The following DCUN1D4 variants were observed in gnomAD, a reference collection of about 807,000 sequenced individuals.
The protein encoded by DCUN1D4 is defective in cullin neddylation 1 domain containing 4, also known as DCN1-like protein 4.
DCUN1D4 carries 22 observed loss-of-function variants against 47.9 expected under a neutral mutation model. The ratio of observed to expected loss-of-function variants is 0.46; its 90% CI spans 0.33 to 0.66. The LOEUF (loss-of-function observed/expected upper bound fraction) is 0.66, where lower values mean the gene tolerates loss of function less well. Ranked by LOEUF, DCUN1D4 falls within the 30% of genes least tolerant of loss-of-function variation. DCUN1D4 has a pLI of 0.02. For synonymous variants in DCUN1D4, 121 were observed against 112.2 expected (o/e 1.08, Z -0.50); for missense variants, 301 against 340.8 (o/e 0.88, Z 0.92).
intron 1 of DCUN1D4, among the ~76,000 whole-genome samples, chr4:51,859,560 G>A (rs1724692444): frequency 7.1e-6 from 1 of 140,750 alleles, no homozygotes; most frequent in South Asian, 2.3e-4. Flanking sequence ...TAGTTTGGGG[G>A]AATGGACTTT....
rs1399574565 is a variant in DCUN1D4, at chr4:51,914,259, C to T, written c.*675C>T. Reference sequence around the variant, plus strand: ...TTTTTTAGTGTTAAAACTATAATAGCTTGAATATAGGTACCAATGAACAAA... The same window carrying T: ...TTTTTTAGTGTTAAAACTATAATAGTTTGAATATAGGTACCAATGAACAAA... On this transcript the variant is annotated 3_prime_UTR_variant, in exon 11 of 11. Transcript: ENST00000334635. 6.6e-6 allele frequency: 1 copy of T among 152,138 alleles called. No homozygotes were observed. The highest frequency in any genetic ancestry group is 1.5e-5 in the Non-Finnish European group (1 of 68,006). The allele number at this position is 152,138 out of a possible 1,614,324, so 9.4% of individuals were successfully genotyped here. A position where few individuals can be genotyped will look rare whatever the true frequency, so the allele number is the denominator to read the frequency against.
In DCUN1D4 at chr4:51,843,442, T is replaced by TG. The variant is rs911223700; in HGVS notation, c.25+179dup. The stretch of plus-strand genomic sequence containing the variant: ...GCGGGCGGTGACGCTGCGGGCGGCG[T>TG]GGGGCGGGGGCGGGCGTGGGGGGAA... On this transcript the variant is annotated intron_variant, in intron 1 of 10. Coordinates refer to ENST00000334635, the MANE Select transcript of DCUN1D4 (RefSeq NM_001040402.3). The TG allele has an allele frequency of 4.0e-6, 4 of 1,010,796 alleles. No individual in the cohort carries two copies. In the African/African-American group the frequency reaches 9.0e-5, roughly 23 times the overall value. 62.6% of individuals were successfully genotyped at this position (1,010,796 alleles called of 1,614,324 possible).
intron 1 of DCUN1D4, among the ~76,000 whole-genome samples, chr4:51,856,591 T>G (rs1428663967): frequency 6.6e-6 from 1 of 152,218 alleles, no homozygotes; most frequent in African/African-American, 2.4e-5. Context: ...TTGGAAATAA[T>G]TTAGAATGGA....
chr4:51,908,971 C>G (rs1189258258), intron 8 of DCUN1D4: 5 of 456,156 alleles, frequency 1.1e-5, no homozygotes, highest in Non-Finnish European at 2.2e-5. Context: ...CCTTGCAGAG[C>G]AGGAGTAAGT....
At chr4:51,842,966 C>G (rs1721831837), upstream of DCUN1D4, 6 of 1,008,538 alleles carry the variant, frequency 5.9e-6, no homozygotes, top group Non-Finnish European at 7.8e-6. Flanking sequence ...AGGGGCGTTA[C>G]GGAGACAAGG....
At chr4:51,848,500 C>A in intron 1 of DCUN1D4, 1 of 694,592 alleles carries the variant, frequency 1.4e-6, no homozygotes, top group Non-Finnish European at 1.8e-6. Flanking sequence ...TTCAGATTTA[C>A]AGAGTAAAAT....
At chr4:51,913,234 C>A (rs558027041) in intron 9 of DCUN1D4, 56 bp from the exon 10 acceptor site, 1 of 1,093,866 alleles carries the variant, frequency 9.1e-7, no homozygotes, top group South Asian at 1.5e-5. Context: ...CAATTGAAAC[C>A]GTCCCATTTG....
the DCUN1D4 span, among the ~76,000 whole-genome samples, chr4:51,837,642 G>A: frequency 6.0e-4 from 53 of 88,428 alleles, no homozygotes; most frequent in African/African-American, 2.1e-3. Context: ...GCGACAGAAC[G>A]AGACTCCGTC....
chr4:51,848,338 A>T, intron 1 of DCUN1D4: 1 of 1,284,740 alleles, frequency 7.8e-7, no homozygotes, highest in South Asian at 1.2e-5. Context: ...TCAGCGTCCT[A>T]CCTGCACAAG....
At chr4:51,849,330 C>T (rs1723018639) in intron 1 of DCUN1D4, among the ~76,000 whole-genome samples, 1 of 152,168 alleles carries the variant, frequency 6.6e-6, no homozygotes, top group South Asian at 2.1e-4. Flanking sequence ...ATGATGCAGT[C>T]TGCTGTGTCC....
upstream of DCUN1D4, chr4:51,842,960 G>A: frequency 2.1e-6 from 2 of 950,366 alleles, no homozygotes; most frequent in Non-Finnish European, 2.8e-6. Context: ...TCCGCCAGGG[G>A]CGTTACGGAG....
At chr4:51,837,846 C>T in the DCUN1D4 span, among the ~76,000 whole-genome samples, 1 of 151,898 alleles carries the variant, frequency 6.6e-6, no homozygotes, top group Non-Finnish European at 1.5e-5. Flanking sequence ...TAAGATGGCT[C>T]CTTCATGAGG....
At chr4:51,839,794 C>T (rs926538924), upstream of DCUN1D4, among the ~76,000 whole-genome samples, 2 of 152,172 alleles carry the variant, frequency 1.3e-5, no homozygotes, top group African/African-American at 4.8e-5. Flanking sequence ...GTCTCAAGAA[C>T]TATGCTATTC....
chr4:51,840,851 C>T (rs1721614737), upstream of DCUN1D4, among the ~76,000 whole-genome samples: 1 of 152,164 alleles, frequency 6.6e-6, no homozygotes, highest in African/African-American at 2.4e-5. Flanking sequence ...TAGGAATGAG[C>T]TTTGCCTCTC....
At position 51,913,331 on chromosome 4, in the gene DCUN1D4, T is replaced by C. The variant is rs756752597; in HGVS notation, c.762T>C (p.Asn254=). 1.9e-6 allele frequency: 3 copies of C among 1,612,064 alleles called. No homozygotes were observed. In the South Asian group the frequency reaches 3.3e-5, roughly 18 times the overall value. ...YKVINKDQWC[N]VLEFSRTINL... The stretch of plus-strand genomic sequence containing the variant: ...TTATTAATAAAGACCAGTGGTGCAA[T>C]GTCCTAGAGTTTAGCAGAACAATTA... The change falls in exon 10 of 11, where the codon AAT becomes AAC. Residue 254 remains asparagine, a synonymous_variant. Transcript: ENST00000334635.
intron 1 of DCUN1D4, among the ~76,000 whole-genome samples, chr4:51,859,479 C>A (rs915219367): frequency 3.3e-5 from 5 of 151,734 alleles, no homozygotes; most frequent in African/African-American, 1.2e-4. Context: ...GAGTCATTGT[C>A]TGAACTTACC....
rs373757007 is a variant in DCUN1D4 at position 51,913,384 on chromosome 4, A to G, written c.815A>G (p.Asp272Gly). 2 of 1,611,410 alleles carry G rather than the reference A, an allele frequency of 1.2e-6. No individual in the cohort carries two copies. Among genetic ancestry groups the G allele is most frequent in the Non-Finnish European group, 1.7e-6 (2 of 1,178,114 alleles). ...INLDLSNYDE[D>G]GAWPVLLDEF... The stretch of plus-strand genomic sequence containing the variant: ...CTTGACCTCAGCAACTATGATGAAG[A>G]TGGAGCATGTAAGTACTGCCGCTAC... Residue 272 changes from aspartate to glycine, a missense_variant, in exon 10 of 11, where the codon GAT becomes GGT. Asp to Gly is a moderately conservative substitution (Grantham distance 94, BLOSUM62 -1). Around this residue, in one of 2 missense-constraint regions of DCUN1D4, gnomAD observed 170 missense variants for 234.5 expected, o/e 0.73. Coordinates refer to ENST00000334635, the MANE Select transcript of DCUN1D4 (RefSeq NM_001040402.3).
intron 1 of DCUN1D4, chr4:51,843,633 T>TG (rs1210170650): frequency 5.6e-5 from 39 of 702,330 alleles, no homozygotes; most frequent in Middle Eastern, 6.3e-4. Flanking sequence ...GCCGGGGATG[T>TG]GGGGGGGTGG....
chr4:51,836,948 A>T, the DCUN1D4 span, among the ~76,000 whole-genome samples: 1 of 152,216 alleles, frequency 6.6e-6, no homozygotes, highest in Admixed American at 6.5e-5. Flanking sequence ...AGGCAAGGAG[A>T]AATTAAGAGC....
Sources: gnomAD v4.1 joint callset for allele counts (sites outside exome capture counted in the v4.1 genomes callset) on GRCh38, gnomAD v4.1.1 for gene constraint, gnomAD v4.1.1 regional missense constraint, MANE v1.5 for transcripts, NCBI Gene and HGNC (gene_info 2026-07-23, HGNC 2026-07-21) for gene names.